The following PRELID3A variants were observed in gnomAD, a reference collection of about 807,000 sequenced individuals.
PRELID3A encodes PRELI domain containing protein 3A.
In PRELID3A, 27 loss-of-function variants were observed where a neutral mutation model predicts 23.0. The observed-to-expected ratio is 1.17, with a 90% confidence interval of 0.87 to 1.62. PRELID3A has a LOEUF of 1.62. PRELID3A is among the 40% of genes most tolerant of loss of function. PRELID3A has a pLI of 0.00. For missense variants in PRELID3A, 231 were observed against 231.4 expected (o/e 1.00, Z 0.01); for synonymous variants, 87 against 86.4 (o/e 1.01, Z -0.04).
chr18:12,420,205 C>A (rs2030111174), intron 1 of PRELID3A, 120 bp from the exon 2 acceptor site: 4 of 1,447,236 alleles, frequency 2.8e-6, no homozygotes, highest in Middle Eastern at 4.8e-4. Flanking sequence ...GTCGGACCAG[C>A]CTTTCATTAA....
Position 12,420,359 on chromosome 18 carries a change from C to T in PRELID3A, c.67C>T (p.Arg23Cys), listed in dbSNP as rs2030121325. ...PWDTVIQAAMRKYPNPMNPSV... is the reference protein window; with the variant it reads ...PWDTVIQAAMCKYPNPMNPSV... ...GGACACGGTCATCCAGGCGGCCATGCGCAAGTACCCGAACCCGATGAACCC... is the reference window on the plus strand; with the variant it reads ...GGACACGGTCATCCAGGCGGCCATGTGCAAGTACCCGAACCCGATGAACCC... The change falls in exon 2 of 7, where the codon CGC becomes TGC. Residue 23 changes from arginine to cysteine, a missense_variant. Transcript: ENST00000440960. 1 of 1,611,342 alleles carries T rather than the reference C, an allele frequency of 6.2e-7. No individual in the cohort carries two copies. Among genetic ancestry groups the T allele is most frequent in the South Asian group, 1.1e-5 (1 of 90,652 alleles).
At chr18:12,420,280 C>T (rs542465106) in intron 1 of PRELID3A, 45 bp from the exon 2 acceptor site, 2 of 1,547,304 alleles carry the variant, frequency 1.3e-6, no homozygotes, top group African/African-American at 1.4e-5. Context: ...CCCTTGCGGC[C>T]CCGGCCCCGG....
rs757699317 is a variant in PRELID3A at position 12,420,544 on chromosome 18, C to T, written c.201+51C>T. ...CGAACGCGCCCGACTCCCCCACTCC[C>T]GCCCCCGCCCTCTCCCGCGTCCCTC... On this transcript the variant is annotated intron_variant, in intron 2 of 6. Transcript: ENST00000440960. 5.6e-5 allele frequency: 81 copies of T among 1,443,060 alleles called. No homozygotes were observed. In the African/African-American group the frequency reaches 9.4e-4, roughly 17 times the overall value. 89.4% of individuals were successfully genotyped at this position (1,443,060 alleles called of 1,614,324 possible). A position where few individuals can be genotyped will look rare whatever the true frequency, so the allele number is the denominator to read the frequency against.
intron 2 of PRELID3A, among the ~76,000 whole-genome samples, chr18:12,420,874 C>G (rs907956224): frequency 3.3e-5 from 5 of 151,858 alleles, no homozygotes; most frequent in African/African-American, 1.2e-4. Context: ...GTCTGGCATC[C>G]CCATCTGTCC....
At position 12,427,697 on chromosome 18, in the gene PRELID3A, A is replaced by T. The variant is rs552172777; in HGVS notation, c.465+374A>T. Among the ~76,000 whole-genome samples the T allele has an allele frequency of 9.2e-5, 14 of 151,964 alleles. No individual in the cohort carries two copies. In the East Asian group the frequency reaches 1.6e-3, roughly 17 times the overall value. On this transcript the variant is annotated intron_variant, in intron 5 of 6. Transcript: ENST00000440960. ...ACAGAATGAGACTCTGTCTTAAAAA[A>T]AAAAATAAAAATAAAAATAAAAAAT...
Position 12,416,647 on chromosome 18 carries a change from CTT to C in PRELID3A, c.33-3662_33-3661del, listed in dbSNP as rs33927481. On this transcript the variant is annotated intron_variant, in intron 1 of 6. Transcript: ENST00000440960. ...CTATTTTCTTTTCTTTTCTTTCTTTCTTTTTTTTTTTTTTTTTAGACAGAGTC... is the reference window on the plus strand; with the variant it reads ...CTATTTTCTTTTCTTTTCTTTCTTTCTTTTTTTTTTTTTTTAGACAGAGTC... Among the ~76,000 whole-genome samples the C allele has an allele frequency of 9.3e-3, 1,237 of 133,088 alleles. 21 individuals are homozygous for C. The highest frequency in any genetic ancestry group is 0.033 in the African/African-American group (1,157 of 35,160). The allele number at this position is 133,088 out of a possible 152,430, so 87.3% of individuals were successfully genotyped here.
chr18:12,409,159 GTT>G (rs71371255), intron 1 of PRELID3A, among the ~76,000 whole-genome samples: 76 of 66,470 alleles, frequency 1.1e-3, no homozygotes, highest in African/African-American at 3.6e-3. Flanking sequence ...CCCAGGCTGG[GTT>G]TTTTTTTTTT....
At chr18:12,430,090 C>T (rs542081606) in intron 6 of PRELID3A, among the ~76,000 whole-genome samples, 6 of 152,240 alleles carry the variant, frequency 3.9e-5, no homozygotes, top group African/African-American at 1.2e-4. Context: ...ATCTGTCCCC[C>T]GTGTGTGTGG....
intron 6 of PRELID3A, among the ~76,000 whole-genome samples, chr18:12,430,678 A>ATG (rs56391939): frequency 5.3e-5 from 8 of 149,584 alleles, no homozygotes; most frequent in Non-Finnish European, 7.4e-5. Flanking sequence ...TATGATGTGT[A>ATG]TGTGATTGGT....
chr18:12,418,026 G>A (rs1179921726), intron 1 of PRELID3A, among the ~76,000 whole-genome samples: 3 of 152,164 alleles, frequency 2.0e-5, no homozygotes, highest in Non-Finnish European at 4.4e-5. Flanking sequence ...TTCTCATCTG[G>A]GCCCTGCTGC....
chr18:12,429,414 G>A lies in PRELID3A; in HGVS notation c.*11G>A, dbSNP rs1314584768. ...AGCGCTGTGAGCTAAGGAGGCCTGT[G>A]CCTGTGCTTGTCATAAATGGTGGTG... On this transcript the variant is annotated 3_prime_UTR_variant, in exon 6 of 7. Coordinates refer to ENST00000440960, the MANE Select transcript of PRELID3A (RefSeq NM_001142405.2). The A allele has an allele frequency of 6.2e-7, 1 of 1,612,926 alleles. No homozygotes were observed. The highest frequency in any genetic ancestry group is 2.2e-5 in the East Asian group (1 of 44,874).
At chr18:12,430,316 G>A (rs926089607) in intron 6 of PRELID3A, among the ~76,000 whole-genome samples, 2 of 151,732 alleles carry the variant, frequency 1.3e-5, no homozygotes, top group South Asian at 4.2e-4. Flanking sequence ...TGTGTGTGGT[G>A]AGTGCGGTGT....
intron 1 of PRELID3A, among the ~76,000 whole-genome samples, chr18:12,414,933 TTC>T (rs1378374706): frequency 6.6e-6 from 1 of 152,112 alleles, no homozygotes; most frequent in African/African-American, 2.4e-5. Flanking sequence ...ACATCTTTTT[TTC>T]TTTCTTTTTT....
At chr18:12,430,476 G>A (rs2030535926) in intron 6 of PRELID3A, among the ~76,000 whole-genome samples, 1 of 145,982 alleles carries the variant, frequency 6.9e-6, no homozygotes, top group Non-Finnish European at 1.5e-5. Flanking sequence ...GTGTATATAT[G>A]TGGTGTGTGT....
rs1442396011 is a variant in PRELID3A, at chr18:12,421,605, G to C, written c.267G>C (p.Lys89Asn). 1.2e-6 allele frequency: 2 copies of C among 1,613,192 alleles called. No homozygotes were observed. The highest frequency in any genetic ancestry group is 2.2e-5 in the East Asian group (1 of 44,892). The change falls in exon 3 of 7, where the codon AAG becomes AAC. Residue 89 changes from lysine (K) to asparagine (N), a missense_variant. Coordinates refer to ENST00000440960, the MANE Select transcript of PRELID3A (RefSeq NM_001142405.2). ...REHSVVDPVE[K>N]KMELCSTNIT... is the part of the protein sequence containing the mutation. ...ATTCTGTGGTGGATCCAGTGGAAAA[G>C]AAAATGGAACTTTGTTCTACCAATG...
chr18:12,427,339 C>T lies in PRELID3A; in HGVS notation c.465+16C>T. On this transcript the variant is annotated intron_variant, in intron 5 of 6. Coordinates refer to ENST00000440960, the MANE Select transcript of PRELID3A (RefSeq NM_001142405.2). The stretch of plus-strand genomic sequence containing the variant: ...TGCAAAGAAGGTATGTATCTCAATC[C>T]TAGGAGTCCTGTGTGTGCTCTAGTT... 1 of 1,541,524 alleles carries T rather than the reference C, an allele frequency of 6.5e-7. No individual in the cohort carries two copies. The highest frequency in any genetic ancestry group is 9.0e-7 in the Non-Finnish European group (1 of 1,115,554).
chr18:12,408,281 G>T (rs1249101603), intron 1 of PRELID3A, among the ~76,000 whole-genome samples: 1 of 151,656 alleles, frequency 6.6e-6, no homozygotes, highest in Non-Finnish European at 1.5e-5. Context: ...CCCGCTGGTG[G>T]TCGACAGCCA....
At chr18:12,421,059 T>C (rs1429458141) in intron 2 of PRELID3A, among the ~76,000 whole-genome samples, 1 of 152,078 alleles carries the variant, frequency 6.6e-6, no homozygotes, top group African/African-American at 2.4e-5. Flanking sequence ...TCGCTGGAAA[T>C]GCAAATCTGA....
chr18:12,415,489 T>G (rs1161193220), intron 1 of PRELID3A, among the ~76,000 whole-genome samples: 1 of 152,026 alleles, frequency 6.6e-6, no homozygotes, highest in Non-Finnish European at 1.5e-5. Context: ...AGAACTCCTG[T>G]CAAGTGATCC....
Sources: allele counts gnomAD v4.1 joint callset (sites outside exome capture counted in the v4.1 genomes callset), GRCh38; gene constraint gnomAD v4.1.1; transcripts MANE v1.5; gene names NCBI Gene and HGNC (gene_info 2026-07-23, HGNC 2026-07-21).